Variants in CADPS2 observed in about 807,000 individuals in gnomAD.
The protein encoded by CADPS2 is calcium-dependent secretion activator 2.
Under a neutral mutation model 172.5 loss-of-function variants are expected in CADPS2, and 93 were observed. The observed-to-expected ratio is 0.54, with a 90% CI of 0.46 to 0.64. The LOEUF is 0.64. Among genes scored for constraint, CADPS2 ranks in the 30% least tolerant of loss-of-function variants. The probability of loss-of-function intolerance (pLI) is 0.00; values close to 1 mark genes in which losing one functional copy is unlikely to be tolerated. For missense variants in CADPS2, 1,420 were observed against 1,565.9 expected (o/e 0.91, Z 1.57); for synonymous variants, 546 against 555.2 (o/e 0.98, Z 0.23).
chr7:122,819,434 C>G (rs1182703533), intron 1 of CADPS2, among the ~76,000 whole-genome samples: 2 of 152,128 alleles, frequency 1.3e-5, no homozygotes. Flanking sequence ...TAGACCATCA[C>G]GGACGCCAAG....
At chr7:122,697,084 G>A (rs887291753) in intron 2 of CADPS2, among the ~76,000 whole-genome samples, 5 of 152,024 alleles carry the variant, frequency 3.3e-5, no homozygotes, top group Non-Finnish European at 5.9e-5. Flanking sequence ...TATCAAAGTC[G>A]TTCTATGTAT....
intron 2 of CADPS2, among the ~76,000 whole-genome samples, chr7:122,704,644 C>A (rs2086699879): frequency 6.6e-6 from 1 of 151,998 alleles, no homozygotes; most frequent in African/African-American, 2.4e-5. Flanking sequence ...AGGAACTTAG[C>A]TCATTCATTC....
intron 3 of CADPS2, among the ~76,000 whole-genome samples, chr7:122,654,541 C>A (rs575814405): frequency 6.6e-6 from 1 of 152,292 alleles, no homozygotes; most frequent in South Asian, 2.1e-4. Flanking sequence ...AATGGAACAA[C>A]AAAGCCTGGA....
At chr7:122,396,364 A>T (rs928338775) in intron 20 of CADPS2, among the ~76,000 whole-genome samples, 2 of 152,032 alleles carry the variant, frequency 1.3e-5, no homozygotes, top group African/African-American at 2.4e-5. Context: ...CAGCCCTCTC[A>T]TCTCCTGTCT....
In CADPS2 at chr7:122,507,233, G is replaced by A. The variant is rs73433716; in HGVS notation, c.1542+6016C>T. 7.4e-3 allele frequency among the ~76,000 whole-genome samples: 1,126 copies of A among 152,158 alleles called. 11 individuals are homozygous for A. The highest frequency in any genetic ancestry group is 0.027 in the Middle Eastern group (8 of 294). ...ACATTCGAAAAGGCAACATTTGAAC[G>A]GATATCTAAATGGACATGAAGGAAT... On this transcript the variant is annotated intron_variant, in intron 9 of 29. Coordinates refer to ENST00000449022, the MANE Select transcript of CADPS2 (RefSeq NM_017954.11).
chr7:122,484,357 T>C (rs2057592557), intron 11 of CADPS2, among the ~76,000 whole-genome samples: 1 of 152,118 alleles, frequency 6.6e-6, no homozygotes, highest in Non-Finnish European at 1.5e-5. Flanking sequence ...AATAAACTCA[T>C]ATGTAGTTAA....
chr7:122,645,681 A>ATATATATATATCTC (rs796988558), intron 3 of CADPS2, among the ~76,000 whole-genome samples: 242 of 116,810 alleles, frequency 2.1e-3, no homozygotes, highest in South Asian at 7.6e-3. Flanking sequence ...ATATATATAT[A>ATATATATATATCTC]TCTTGGGATT....
intron 6 of CADPS2, among the ~76,000 whole-genome samples, chr7:122,586,580 T>C (rs1281821006): frequency 2.6e-5 from 4 of 152,036 alleles, no homozygotes; most frequent in Admixed American, 6.6e-5. Context: ...GTTTTAATTA[T>C]TGCAGCTTTG....
intron 20 of CADPS2, among the ~76,000 whole-genome samples, chr7:122,395,970 C>T (rs2045063777): frequency 6.6e-6 from 1 of 152,092 alleles, no homozygotes; most frequent in Non-Finnish European, 1.5e-5. Context: ...CCACCATGCC[C>T]AGCTAATTTT....
intron 2 of CADPS2, among the ~76,000 whole-genome samples, chr7:122,694,709 T>C (rs1045767694): frequency 2.6e-5 from 4 of 152,192 alleles, no homozygotes; most frequent in African/African-American, 9.6e-5. Flanking sequence ...TCTGTGCTGG[T>C]AAGTGTATTA....
intron 8 of CADPS2, among the ~76,000 whole-genome samples, chr7:122,547,766 G>T (rs894819208): frequency 8.5e-5 from 13 of 152,086 alleles, no homozygotes; most frequent in Admixed American, 8.5e-4. Flanking sequence ...AAGTAGAATT[G>T]GAAGCAGAGA....
intron 1 of CADPS2, among the ~76,000 whole-genome samples, chr7:122,749,936 T>TAG (rs1350980662): frequency 6.7e-6 from 1 of 149,990 alleles, no homozygotes; most frequent in Non-Finnish European, 1.5e-5. Context: ...GGCAAATTTT[T>TAG]AGCACATTTG....
At chr7:122,708,434 A>ATG (rs1328257947) in intron 2 of CADPS2, among the ~76,000 whole-genome samples, 6 of 128,172 alleles carry the variant, frequency 4.7e-5, no homozygotes, top group East Asian at 2.3e-4. Context: ...TACACACAAT[A>ATG]TGTGTGTGTA....
intron 9 of CADPS2, among the ~76,000 whole-genome samples, chr7:122,504,629 CGAT>C (rs1490294729): frequency 4.6e-5 from 7 of 152,080 alleles, no homozygotes; most frequent in African/African-American, 1.7e-4. Context: ...TGCAGTGGTG[CGAT>C]GATAGCTCAC....
chr7:122,333,020 G>A (rs1053879771), intron 28 of CADPS2, among the ~76,000 whole-genome samples: 1 of 152,138 alleles, frequency 6.6e-6, no homozygotes, highest in Non-Finnish European at 1.5e-5. Context: ...TCCTTGATGG[G>A]ATGCATACTG....
intron 2 of CADPS2, among the ~76,000 whole-genome samples, chr7:122,674,569 GA>G (rs919691478): frequency 4.6e-5 from 7 of 152,168 alleles, no homozygotes; most frequent in Non-Finnish European, 7.3e-5. Context: ...ACTATAACAA[GA>G]AACTATATCT....
intron 8 of CADPS2, among the ~76,000 whole-genome samples, chr7:122,520,953 A>G (rs1167312395): frequency 6.6e-6 from 1 of 152,184 alleles, no homozygotes; most frequent in Non-Finnish European, 1.5e-5. Context: ...AAAAAGAACT[A>G]TTAATTTTGG....
intron 1 of CADPS2, among the ~76,000 whole-genome samples, chr7:122,834,305 A>G (rs1807552619): frequency 6.6e-6 from 1 of 152,202 alleles, no homozygotes; most frequent in South Asian, 2.1e-4. Flanking sequence ...GAAAAAGAAG[A>G]GCCAGGCAGT....
At chr7:122,712,595 G>C (rs894139297) in intron 2 of CADPS2, among the ~76,000 whole-genome samples, 1 of 152,070 alleles carries the variant, frequency 6.6e-6, no homozygotes, top group Admixed American at 6.6e-5. Flanking sequence ...CTGACTTTCT[G>C]ATATGATAAT....
Sources: allele counts gnomAD v4.1 joint callset (sites outside exome capture counted in the v4.1 genomes callset), GRCh38; gene constraint gnomAD v4.1.1; transcripts MANE v1.5; gene names NCBI Gene and HGNC (gene_info 2026-07-23, HGNC 2026-07-21).